The following DPP10 variants were observed in gnomAD, a reference collection of about 807,000 sequenced individuals.
DPP10 encodes dipeptidyl peptidase like 10, also known as inactive dipeptidyl peptidase 10.
A neutral mutation model predicts 120.9 loss-of-function variants in DPP10; 33 were observed. The ratio of observed to expected loss-of-function variants is 0.27; its 90% CI spans 0.21 to 0.37. The LOEUF is 0.37. DPP10 is among the 10% of genes least tolerant of loss of function. The pLI, the probability that DPP10 is intolerant of heterozygous loss-of-function variation, is 1.00. For synonymous variants in DPP10, 337 were observed against 326.1 expected, an observed-to-expected ratio of 1.03 and a Z score of -0.36; for missense variants, 816 against 942.8, an observed-to-expected ratio of 0.87 and a Z score of 1.76.
intron 7 of DPP10, among the ~76,000 whole-genome samples, chr2:115,699,358 CACCAAG>C (rs1278174313): frequency 6.6e-6 from 1 of 152,106 alleles, no homozygotes; most frequent in Non-Finnish European, 1.5e-5. Context: ...GAAAACCTAA[CACCAAG>C]GCCAAGGCGG....
intron 5 of DPP10, among the ~76,000 whole-genome samples, chr2:115,649,790 A>G (rs552779770): frequency 1.3e-5 from 2 of 152,214 alleles, no homozygotes; most frequent in African/African-American, 2.4e-5. Context: ...TCAAATAGTG[A>G]GAAAATAAAT....
chr2:115,732,448 G>C (rs576837902), intron 8 of DPP10, among the ~76,000 whole-genome samples: 1 of 152,126 alleles, frequency 6.6e-6, no homozygotes, highest in South Asian at 2.1e-4. Context: ...GCAATATAAA[G>C]TATAATGCAT....
chr2:115,814,693 C>A, intron 19 of DPP10, 100 bp from the exon 20 acceptor site: 3 of 935,822 alleles, frequency 3.2e-6, no homozygotes, highest in Non-Finnish European at 3.0e-6. Flanking sequence ...TAATAGCCAG[C>A]ACAGTTCTTT....
At chr2:115,345,890 C>T (rs2063688166) in intron 3 of DPP10, among the ~76,000 whole-genome samples, 1 of 152,000 alleles carries the variant, frequency 6.6e-6, no homozygotes, top group African/African-American at 2.4e-5. Context: ...AAATTTGATC[C>T]TAAGAAGGCA....
At chr2:115,199,139 TATTA>T (rs1158709734) in intron 1 of DPP10, among the ~76,000 whole-genome samples, 1 of 152,156 alleles carries the variant, frequency 6.6e-6, no homozygotes, top group Non-Finnish European at 1.5e-5. Context: ...TAACAAATGT[TATTA>T]ATTTAATAAA....
At chr2:115,668,900 A>G (rs1476566187) in intron 5 of DPP10, among the ~76,000 whole-genome samples, 1 of 152,164 alleles carries the variant, frequency 6.6e-6, no homozygotes. Flanking sequence ...TTTTGAGGGT[A>G]GAACCCAATA....
At chr2:114,787,948 C>G (rs1026363503) in intron 1 of DPP10, among the ~76,000 whole-genome samples, 1 of 152,082 alleles carries the variant, frequency 6.6e-6, no homozygotes, top group African/African-American at 2.4e-5. Context: ...ATAGTTTTCA[C>G]TTTTCTTATT....
intron 1 of DPP10, among the ~76,000 whole-genome samples, chr2:114,535,630 C>T (rs967093173): frequency 6.6e-5 from 10 of 152,168 alleles, no homozygotes; most frequent in African/African-American, 2.4e-4. Context: ...GATGATTTCA[C>T]CTCCTGAATA....
intron 1 of DPP10, among the ~76,000 whole-genome samples, chr2:114,635,119 TTCC>T (rs1170502058): frequency 2.6e-5 from 4 of 151,894 alleles, no homozygotes; most frequent in African/African-American, 7.3e-5. Flanking sequence ...CTTGTTTAAC[TTCC>T]TCATTGTTTT....
At chr2:114,581,607 A>C (rs999003154) in intron 1 of DPP10, among the ~76,000 whole-genome samples, 1 of 152,154 alleles carries the variant, frequency 6.6e-6, no homozygotes, top group Non-Finnish European at 1.5e-5. Context: ...TCATGTTGGC[A>C]TTTTTGTTGG....
At chr2:115,614,998 G>C (rs1320314005) in intron 5 of DPP10, among the ~76,000 whole-genome samples, 1 of 152,060 alleles carries the variant, frequency 6.6e-6, no homozygotes, top group East Asian at 1.9e-4. Context: ...TATTACCTAT[G>C]TCCACATGCA....
intron 1 of DPP10, among the ~76,000 whole-genome samples, chr2:114,906,363 G>A (rs185983826): frequency 1.3e-5 from 2 of 149,624 alleles, no homozygotes; most frequent in South Asian, 2.1e-4. Context: ...CAGCCTGGGC[G>A]ACAGAGTGAG....
At chr2:114,714,513 T>A (rs13010772) in intron 1 of DPP10, among the ~76,000 whole-genome samples, 6,394 of 152,214 alleles carry the variant, frequency 0.042, 162 homozygotes, top group South Asian at 0.089. Context: ...GTCACACTGA[T>A]GGCTCTAAAC....
At chr2:115,357,831 G>T (rs2064502050) in intron 3 of DPP10, among the ~76,000 whole-genome samples, 2 of 152,086 alleles carry the variant, frequency 1.3e-5, no homozygotes, top group African/African-American at 2.4e-5. Flanking sequence ...TTTGTTTTCT[G>T]TGCACCCATA....
intron 5 of DPP10, among the ~76,000 whole-genome samples, chr2:115,684,615 T>G (rs2090870591): frequency 2.0e-5 from 3 of 151,804 alleles, no homozygotes; most frequent in Non-Finnish European, 2.9e-5. Context: ...TTTATATCAA[T>G]TCGGCTGTTC....
chr2:115,809,089 A>G (rs989902790), intron 19 of DPP10, among the ~76,000 whole-genome samples: 1 of 152,238 alleles, frequency 6.6e-6, no homozygotes, highest in Non-Finnish European at 1.5e-5. Flanking sequence ...GTTCTCTGGT[A>G]GGAAAAAAAT....
At chr2:115,748,316 C>G (rs1052272333) in intron 10 of DPP10, among the ~76,000 whole-genome samples, 2 of 151,116 alleles carry the variant, frequency 1.3e-5, no homozygotes, top group Non-Finnish European at 2.9e-5. Context: ...ATAAGTGAAT[C>G]ATATTATGTT....
chr2:114,873,696 C>T (rs922549085), intron 1 of DPP10, among the ~76,000 whole-genome samples: 1 of 77,878 alleles, frequency 1.3e-5, no homozygotes, highest in African/African-American at 4.7e-5. Context: ...CAGAACTTAA[C>T]AACATTTTGC....
intron 1 of DPP10, among the ~76,000 whole-genome samples, chr2:114,794,485 A>G (rs981266620): frequency 2.6e-5 from 4 of 152,220 alleles, no homozygotes; most frequent in African/African-American, 9.7e-5. Context: ...TAGCCTGAGA[A>G]GACAAGGGAG....
Sources: gnomAD v4.1 joint callset for allele counts (sites outside exome capture counted in the v4.1 genomes callset) on GRCh38, gnomAD v4.1.1 for gene constraint, MANE v1.5 for transcripts, NCBI Gene and HGNC (gene_info 2026-07-23, HGNC 2026-07-21) for gene names.